The following RPS6KC1 variants were observed in gnomAD, a reference collection of about 807,000 sequenced individuals.
RPS6KC1 encodes inactive ribosomal protein S6 kinase delta-1.
A neutral mutation model predicts 103.8 loss-of-function variants in RPS6KC1; 54 were observed. The ratio of observed to expected loss-of-function variants is 0.52; its 90% CI spans 0.42 to 0.65. RPS6KC1 has a LOEUF of 0.65. RPS6KC1 is among the 30% of genes least tolerant of loss of function. RPS6KC1 has a pLI of 0.00. For synonymous variants in RPS6KC1, 439 were observed against 438.7 expected, an observed-to-expected ratio of 1.00 and a Z score of -0.01; for missense variants, 1,151 against 1,253.8, an observed-to-expected ratio of 0.92 and a Z score of 1.24.
the RPS6KC1 span, among the ~76,000 whole-genome samples, chr1:213,710,421 G>A: frequency 6.6e-6 from 1 of 152,188 alleles, no homozygotes; most frequent in Non-Finnish European, 1.5e-5. Flanking sequence ...TTGCACGTGA[G>A]ATGAGTCTCC....
At chr1:213,602,122 CTT>C in the RPS6KC1 span, among the ~76,000 whole-genome samples, 1 of 27,680 alleles carries the variant, frequency 3.6e-5, no homozygotes, top group Non-Finnish European at 6.7e-5. Flanking sequence ...CTTTCTTTCT[CTT>C]TCTTTCTTTC....
chr1:213,233,514 C>G (rs1373287055), intron 10 of RPS6KC1, among the ~76,000 whole-genome samples: 1 of 152,086 alleles, frequency 6.6e-6, no homozygotes, highest in Admixed American at 6.5e-5. Context: ...TATTCTATTA[C>G]CCAGTGTGGA....
At position 213,129,641 on chromosome 1, in the gene RPS6KC1, A is replaced by G. The variant is rs773772139; in HGVS notation, c.587A>G (p.Asn196Ser). The stretch of plus-strand genomic sequence containing the variant: ...TCTCCCATTAGAACTTTTGGTCTCA[A>G]TCTTTCTTCGGATTCTTCAGCACTA... ...QNSPIRTFGLNLSSDSSALGA... is the reference protein window; with the variant it reads ...QNSPIRTFGLSLSSDSSALGA... Residue 196 changes from asparagine to serine, a missense_variant, in exon 6 of 15, where the codon AAT becomes AGT. By Grantham distance (46) the Asn-to-Ser change is conservative. Coordinates refer to ENST00000366960, the MANE Select transcript of RPS6KC1 (RefSeq NM_012424.6). 34 of 1,613,920 alleles carry G rather than the reference A, an allele frequency of 2.1e-5. No homozygotes were observed. Among genetic ancestry groups the G allele is most frequent in the South Asian group, 1.5e-4 (14 of 91,076 alleles).
the RPS6KC1 span, among the ~76,000 whole-genome samples, chr1:213,800,738 ATTC>A: frequency 1.3e-5 from 2 of 152,196 alleles, no homozygotes; most frequent in Non-Finnish European, 2.9e-5. Flanking sequence ...ACAATCTCAT[ATTC>A]TTCATTTTTT....
At chr1:213,057,292 T>G (rs1173859682) in intron 1 of RPS6KC1, among the ~76,000 whole-genome samples, 2 of 152,156 alleles carry the variant, frequency 1.3e-5, no homozygotes, top group African/African-American at 4.8e-5. Context: ...GAGCTTGGAC[T>G]ATAGTAGGGA....
At chr1:213,203,396 C>T (rs1180028094) in intron 8 of RPS6KC1, among the ~76,000 whole-genome samples, 1 of 152,106 alleles carries the variant, frequency 6.6e-6, no homozygotes, top group South Asian at 2.1e-4. Context: ...ACAACATCTG[C>T]CATTTGCTGA....
chr1:213,378,587 CA>C, the RPS6KC1 span, among the ~76,000 whole-genome samples: 1 of 152,098 alleles, frequency 6.6e-6, no homozygotes, highest in Admixed American at 6.5e-5. Flanking sequence ...TTACTGAACC[CA>C]AACTATGTAG....
At chr1:213,539,234 G>A in the RPS6KC1 span, among the ~76,000 whole-genome samples, 3 of 152,168 alleles carry the variant, frequency 2.0e-5, no homozygotes, top group East Asian at 1.9e-4. Context: ...AGAAGTCAGC[G>A]ACCAGAGAAA....
the RPS6KC1 span, among the ~76,000 whole-genome samples, chr1:213,649,466 T>A: frequency 6.6e-6 from 1 of 152,046 alleles, no homozygotes. Context: ...CCACAAGCCA[T>A]TCTCAGAAGC....
chr1:213,150,628 A>G (rs1308728790), intron 6 of RPS6KC1, among the ~76,000 whole-genome samples: 135 of 151,686 alleles, frequency 8.9e-4, no homozygotes, highest in Non-Finnish European at 1.6e-3. Flanking sequence ...ACAGGGTTGG[A>G]GGTAAGGTCA....
At chr1:213,337,974 A>T in the RPS6KC1 span, among the ~76,000 whole-genome samples, 1 of 152,026 alleles carries the variant, frequency 6.6e-6, no homozygotes, top group South Asian at 2.1e-4. Context: ...CATGTGTAGG[A>T]GTGGCGTGTG....
chr1:213,267,601 A>C (rs2094941969), intron 14 of RPS6KC1, among the ~76,000 whole-genome samples: 2 of 152,082 alleles, frequency 1.3e-5, no homozygotes, highest in African/African-American at 2.4e-5. Flanking sequence ...ATTTATGAAG[A>C]CTTTAAAGCA....
the RPS6KC1 span, among the ~76,000 whole-genome samples, chr1:213,628,942 A>G: frequency 6.6e-6 from 1 of 152,124 alleles, no homozygotes; most frequent in Admixed American, 6.6e-5. Flanking sequence ...ACTGTGGTCT[A>G]AGAGACAGTT....
the RPS6KC1 span, among the ~76,000 whole-genome samples, chr1:213,743,157 T>C: frequency 2.0e-5 from 3 of 152,080 alleles, no homozygotes; most frequent in East Asian, 1.9e-4. Context: ...CAATGGTGGA[T>C]TGGATAAAGA....
the RPS6KC1 span, among the ~76,000 whole-genome samples, chr1:213,531,976 A>G: frequency 6.6e-6 from 1 of 152,104 alleles, no homozygotes; most frequent in Non-Finnish European, 1.5e-5. Context: ...GGAGAGTGTC[A>G]TCTCCCCCTA....
chr1:213,731,010 A>G, the RPS6KC1 span, among the ~76,000 whole-genome samples: 1 of 152,162 alleles, frequency 6.6e-6, no homozygotes, highest in Non-Finnish European at 1.5e-5. Flanking sequence ...TTATCCCAGC[A>G]CCATTTATTG....
At chr1:213,188,560 A>G (rs112121486) in intron 8 of RPS6KC1, among the ~76,000 whole-genome samples, 4,299 of 152,272 alleles carry the variant, frequency 0.028, 90 homozygotes, top group Middle Eastern at 0.089. Flanking sequence ...GGGGGGCGTG[A>G]AAACAGCTTG....
chr1:213,514,735 G>A, the RPS6KC1 span, among the ~76,000 whole-genome samples: 2 of 152,122 alleles, frequency 1.3e-5, no homozygotes, highest in Admixed American at 6.6e-5. Context: ...AATCCTTTGG[G>A]TATATACCCA....
chr1:213,304,886 A>G, the RPS6KC1 span, among the ~76,000 whole-genome samples: 94 of 152,316 alleles, frequency 6.2e-4, no homozygotes, highest in African/African-American at 2.2e-3. Context: ...AAACATTTCC[A>G]TGTGCCACTA....
Sources: gnomAD v4.1 joint callset for allele counts (sites outside exome capture counted in the v4.1 genomes callset) on GRCh38, gnomAD v4.1.1 for gene constraint, MANE v1.5 for transcripts, NCBI Gene and HGNC (gene_info 2026-07-23, HGNC 2026-07-21) for gene names.